TMEM116: variants seen among roughly 807,000 people sequenced by gnomAD.
TMEM116 encodes transmembrane protein 116.
Under a neutral mutation model 44.3 loss-of-function variants are expected in TMEM116, and 38 were observed. The observed-to-expected ratio is 0.86, with a 90% CI of 0.66 to 1.12. TMEM116 has a LOEUF of 1.12. TMEM116 is among the 50% of genes most tolerant of loss of function. TMEM116 has a pLI of 0.00. For missense variants in TMEM116, 354 were observed against 401.7 expected (o/e 0.88, Z 1.01); for synonymous variants, 132 against 144.8 (o/e 0.91, Z 0.64).
chr12:111,993,547 C>G, intron 3 of TMEM116: 1 of 545,084 alleles, frequency 1.8e-6, no homozygotes, highest in Non-Finnish European at 3.6e-6. Flanking sequence ...GGTTCAAATT[C>G]AAACCCAACC....
At chr12:111,937,100 A>G in intron 7 of TMEM116, 60 bp downstream of exon 7, 1 of 1,470,508 alleles carries the variant, frequency 6.8e-7, no homozygotes, top group Non-Finnish European at 9.5e-7. Context: ...TTCCAGCTCT[A>G]TTTATAGAAA....
chr12:111,943,660 G>A (rs1423980176), intron 4 of TMEM116, among the ~76,000 whole-genome samples: 6 of 152,154 alleles, frequency 3.9e-5, no homozygotes, highest in East Asian at 1.9e-4. Context: ...TCAGCCTCCC[G>A]AGTAGCTGGG....
At chr12:111,980,521 C>T (rs1011533828) in intron 4 of TMEM116, among the ~76,000 whole-genome samples, 3 of 152,202 alleles carry the variant, frequency 2.0e-5, no homozygotes, top group South Asian at 2.1e-4. Context: ...TCAAAAGCCA[C>T]GGAACTGCAC....
chr12:111,996,300 T>C (rs2076929034), intron 3 of TMEM116, among the ~76,000 whole-genome samples: 1 of 152,132 alleles, frequency 6.6e-6, no homozygotes, highest in Admixed American at 6.5e-5. Flanking sequence ...AAGATATTTG[T>C]AACACATATA....
chr12:111,988,973 T>C (rs887031224), intron 4 of TMEM116, among the ~76,000 whole-genome samples: 3 of 152,006 alleles, frequency 2.0e-5, no homozygotes, highest in African/African-American at 4.8e-5. Flanking sequence ...GCCTGGGCAA[T>C]AGTGTGAGAC....
Position 112,007,544 on chromosome 12 carries a change from T to C in TMEM116, c.-33-2241A>G, listed in dbSNP as rs565738189. 2.0e-5 allele frequency among the ~76,000 whole-genome samples: 3 copies of C among 152,356 alleles called. No homozygotes were observed. The South Asian group carries it at 6.2e-4, about 32-fold the overall frequency. On this transcript the variant is annotated intron_variant, in intron 1 of 10. Coordinates refer to ENST00000552374, the MANE Select transcript of TMEM116 (RefSeq NM_001193531.2). ...GTTCTAATCACTTTGCTTAAATTGT[T>C]AGGTAAATAAATAAAAATACCAGGA...
rs900185914 is a variant in TMEM116, at chr12:111,931,547, G to A, written c.*74C>T. On this transcript the variant is annotated 3_prime_UTR_variant, in exon 11 of 11. Transcript: ENST00000552374. ...GGCATAGTTAGAAAAGATTTAAGAT[G>A]TCCTTTCCCAACATTCTTTCCAATC... 2.8e-6 allele frequency: 4 copies of A among 1,433,254 alleles called. No homozygotes were observed. The highest frequency in any genetic ancestry group is 1.4e-5 in the African/African-American group (1 of 71,220). 88.8% of individuals were successfully genotyped at this position (1,433,254 alleles called of 1,614,324 possible). A position where few individuals can be genotyped will look rare whatever the true frequency, so the allele number is the denominator to read the frequency against.
chr12:111,957,938 C>T (rs928959006), intron 4 of TMEM116, among the ~76,000 whole-genome samples: 1 of 152,184 alleles, frequency 6.6e-6, no homozygotes, highest in Non-Finnish European at 1.5e-5. Context: ...AGGAAAAATT[C>T]TTCTGCCTTG....
intron 4 of TMEM116, among the ~76,000 whole-genome samples, chr12:111,960,064 A>G (rs1471879854): frequency 6.6e-6 from 1 of 152,190 alleles, no homozygotes; most frequent in Non-Finnish European, 1.5e-5. Flanking sequence ...TCAGCACCAC[A>G]TTGCATTTAT....
chr12:111,993,962 A>G (rs2076776345), intron 3 of TMEM116: 2 of 612,920 alleles, frequency 3.3e-6, no homozygotes, highest in African/African-American at 1.8e-5. Flanking sequence ...ACTGCACTAC[A>G]GTAGTTTATC....
intron 4 of TMEM116, among the ~76,000 whole-genome samples, chr12:111,960,470 C>T (rs868868645): frequency 3.5e-4 from 41 of 118,646 alleles, no homozygotes; most frequent in Middle Eastern, 0.014. Context: ...CCAGCCTGGG[C>T]GACAGAGCAA....
intron 4 of TMEM116, among the ~76,000 whole-genome samples, chr12:111,946,090 T>G (rs1370775197): frequency 2.0e-5 from 3 of 152,260 alleles, no homozygotes; most frequent in Admixed American, 1.3e-4. Context: ...TAGAACAATG[T>G]TTTCCTCTAG....
chr12:111,945,343 C>CAAAAAAAAAAAAAA (rs917839133), intron 4 of TMEM116, among the ~76,000 whole-genome samples: 1 of 33,828 alleles, frequency 3.0e-5, no homozygotes, highest in Non-Finnish European at 7.7e-5. Flanking sequence ...GACTCCATCT[C>CAAAAAAAAAAAAAA]AAAAAAAAAA....
intron 4 of TMEM116, among the ~76,000 whole-genome samples, chr12:111,984,796 A>G (rs949735371): frequency 6.6e-6 from 1 of 152,050 alleles, no homozygotes; most frequent in Non-Finnish European, 1.5e-5. Context: ...CATTTCATGT[A>G]CCCCCATAAA....
At position 111,965,698 on chromosome 12, in the gene TMEM116, TG is replaced by T. The variant is rs373087533; in HGVS notation, c.211-22330del. On this transcript the variant is annotated intron_variant, in intron 4 of 10. Coordinates refer to ENST00000552374, the MANE Select transcript of TMEM116 (RefSeq NM_001193531.2). ...CCAGCACTTTGGGAGGCCCAAGCGG[TG>T]AATCACTTGAGGTCAGGCATTCAGG... 194 of 374,616 alleles carry T rather than the reference TG, an allele frequency of 5.2e-4. 3 individuals are homozygous for T. In the East Asian group the frequency reaches 0.013, roughly 25 times the overall value. 23.2% of individuals were successfully genotyped at this position (374,616 alleles called of 1,614,324 possible).
chr12:111,932,470 CT>C, intron 10 of TMEM116, 115 bp downstream of exon 10: 1 of 814,050 alleles, frequency 1.2e-6, no homozygotes. Flanking sequence ...TACATTTTCT[CT>C]TTTGCAATGT....
chr12:111,956,864 A>G (rs1485471643), intron 4 of TMEM116, among the ~76,000 whole-genome samples: 1 of 151,472 alleles, frequency 6.6e-6, no homozygotes, highest in Non-Finnish European at 1.5e-5. Flanking sequence ...GATCGCTACA[A>G]CCTCCACCTC....
At chr12:111,972,776 G>A (rs1056848265) in intron 4 of TMEM116, among the ~76,000 whole-genome samples, 3 of 152,136 alleles carry the variant, frequency 2.0e-5, no homozygotes, top group African/African-American at 7.2e-5. Context: ...CTACTCGGGA[G>A]GCTGAGGTAG....
chr12:111,959,297 C>T (rs1290626236), intron 4 of TMEM116, among the ~76,000 whole-genome samples: 30 of 152,224 alleles, frequency 2.0e-4, no homozygotes, highest in Non-Finnish European at 3.8e-4. Context: ...CAAGCAAATT[C>T]TGAGAGATTT....
Sources: allele counts gnomAD v4.1 joint callset (sites outside exome capture counted in the v4.1 genomes callset), GRCh38; gene constraint gnomAD v4.1.1; transcripts MANE v1.5; gene names NCBI Gene and HGNC (gene_info 2026-07-23, HGNC 2026-07-21).